MARCHF1: variants seen among roughly 807,000 people sequenced by gnomAD.
MARCHF1 encodes E3 ubiquitin-protein ligase MARCHF1.
MARCHF1 carries 40 observed loss-of-function variants against 54.2 expected under a neutral mutation model. That is an observed-to-expected ratio of 0.74 (90% confidence interval 0.57 to 0.96). The LOEUF (loss-of-function observed/expected upper bound fraction) is 0.96. Among genes scored for constraint, MARCHF1 ranks in the 40% least tolerant of loss-of-function variants. MARCHF1 has a pLI of 0.00. For missense variants in MARCHF1, 586 were observed against 656.5 expected (o/e 0.89, Z 1.17); for synonymous variants, 236 against 236.3 (o/e 1.00, Z 0.01).
At chr4:164,302,868 TA>T (rs70952621) in intron 1 of MARCHF1, among the ~76,000 whole-genome samples, 4,925 of 114,148 alleles carry the variant, frequency 0.043, 166 homozygotes, top group East Asian at 0.19. Flanking sequence ...GAGACTGTCT[TA>T]AAAAAAAAAA....
At chr4:163,728,604 T>C (rs1745737370) in intron 4 of MARCHF1, among the ~76,000 whole-genome samples, 1 of 152,210 alleles carries the variant, frequency 6.6e-6, no homozygotes, top group East Asian at 1.9e-4. Flanking sequence ...AACTTGTTCA[T>C]TATTGGTATA....
chr4:164,039,680 G>A (rs1218906782), intron 2 of MARCHF1, among the ~76,000 whole-genome samples: 4 of 151,408 alleles, frequency 2.6e-5, no homozygotes, highest in African/African-American at 7.3e-5. Context: ...TCCACATACA[G>A]ATAAAAAAAA....
rs150860418 is a variant in MARCHF1, at chr4:163,763,624, C to T, written c.112-62761G>A. Among the ~76,000 whole-genome samples, 1,148 of 152,014 alleles carry T rather than the reference C, an allele frequency of 7.6e-3. 11 individuals are homozygous for T. The highest frequency in any genetic ancestry group is 0.013 in the Non-Finnish European group (877 of 67,894). ...CCCCCCTTACGAACTTCTAAGAAAACCCTAAACACTTAAAAAAAAGAAATA... is the reference window on the plus strand; with the variant it reads ...CCCCCCTTACGAACTTCTAAGAAAATCCTAAACACTTAAAAAAAAGAAATA... On this transcript the variant is annotated intron_variant, in intron 4 of 9. Coordinates refer to ENST00000514618, the MANE Select transcript of MARCHF1 (RefSeq NM_001394959.1).
At chr4:163,589,773 G>T (rs938819158) in intron 7 of MARCHF1, among the ~76,000 whole-genome samples, 2 of 151,940 alleles carry the variant, frequency 1.3e-5, no homozygotes, top group African/African-American at 4.8e-5. Flanking sequence ...CGTAATTTTG[G>T]TACATTTTTA....
chr4:164,093,420 C>T (rs1188138261), intron 2 of MARCHF1, among the ~76,000 whole-genome samples: 1 of 152,094 alleles, frequency 6.6e-6, no homozygotes, highest in Non-Finnish European at 1.5e-5. Context: ...AGAATTTACA[C>T]ATGGACAGAA....
chr4:163,731,592 G>T (rs2111326213), intron 4 of MARCHF1, among the ~76,000 whole-genome samples: 1 of 152,326 alleles, frequency 6.6e-6, no homozygotes, highest in South Asian at 2.1e-4. Flanking sequence ...ATGTCACAGA[G>T]CTCAGTACCA....
At chr4:164,365,525 G>A (rs776295385) in intron 1 of MARCHF1, among the ~76,000 whole-genome samples, 49 of 152,028 alleles carry the variant, frequency 3.2e-4, no homozygotes, top group Non-Finnish European at 6.0e-4. Flanking sequence ...TAGCACAGAT[G>A]TAAAGGAAAA....
At chr4:164,178,954 C>T (rs1003450353) in intron 1 of MARCHF1, among the ~76,000 whole-genome samples, 10 of 152,116 alleles carry the variant, frequency 6.6e-5, no homozygotes, top group Non-Finnish European at 1.5e-4. Flanking sequence ...ACCACCCCAA[C>T]CCCGAGATGA....
At chr4:163,541,711 T>A (rs577909489) in intron 9 of MARCHF1, among the ~76,000 whole-genome samples, 1 of 152,308 alleles carries the variant, frequency 6.6e-6, no homozygotes, top group African/African-American at 2.4e-5. Flanking sequence ...AAAGGACAAA[T>A]TTGTTTCTTT....
At position 163,612,680 on chromosome 4, in the gene MARCHF1, A is replaced by G. The variant is rs1246010594; in HGVS notation, c.601T>C (p.Ser201Pro). The G allele has an allele frequency of 6.5e-7, 1 of 1,535,520 alleles. No homozygotes were observed. Among genetic ancestry groups the G allele is most frequent in the Admixed American group, 2.0e-5 (1 of 50,962 alleles). The part of the protein sequence containing the change: ...NNKPCENLAG[S>P]STPNGIELVD... ...AGCTCAATTCCGTTAGGAGTGGAAG[A>G]CCCAGCTAAGTTTTCACACGGCTTA... The change falls in exon 7 of 10, where the codon TCT becomes CCT. Residue 201 changes from serine to proline, a missense_variant. Around this residue, in one of 3 missense-constraint regions of MARCHF1, gnomAD observed 387 missense variants for 394.6 expected, o/e 0.98. Coordinates refer to ENST00000514618, the MANE Select transcript of MARCHF1 (RefSeq NM_001394959.1).
At chr4:163,757,821 A>C (rs1171591223) in intron 4 of MARCHF1, among the ~76,000 whole-genome samples, 1 of 152,196 alleles carries the variant, frequency 6.6e-6, no homozygotes, top group Non-Finnish European at 1.5e-5. Flanking sequence ...AGACAAAAGA[A>C]TGGTTGAGTT....
At chr4:163,966,736 G>A (rs917489256) in intron 3 of MARCHF1, among the ~76,000 whole-genome samples, 1 of 152,074 alleles carries the variant, frequency 6.6e-6, no homozygotes, top group Non-Finnish European at 1.5e-5. Flanking sequence ...GCTTTAGTGA[G>A]GGAATCACTT....
chr4:164,226,835 G>A lies in MARCHF1; in HGVS notation c.-322-115173C>T, dbSNP rs867575081. On this transcript the variant is annotated intron_variant, in intron 1 of 9. Coordinates refer to ENST00000514618, the MANE Select transcript of MARCHF1 (RefSeq NM_001394959.1). Reference sequence around the variant, plus strand: ...CTAGTGAAATTTTTTACCCATAACAGCTGAATGAAAGTGTAACCAAACAGC... The same window carrying A: ...CTAGTGAAATTTTTTACCCATAACAACTGAATGAAAGTGTAACCAAACAGC... Among the ~76,000 whole-genome samples the A allele has an allele frequency of 2.0e-5, 3 of 152,014 alleles. No individual in the cohort carries two copies. The South Asian group carries it at 6.2e-4, about 31-fold the overall frequency.
At chr4:163,565,246 T>C (rs536918014) in intron 8 of MARCHF1, among the ~76,000 whole-genome samples, 1 of 152,338 alleles carries the variant, frequency 6.6e-6, no homozygotes, top group African/African-American at 2.4e-5. Context: ...AATGCTTTAA[T>C]ATACACATCC....
intron 1 of MARCHF1, among the ~76,000 whole-genome samples, chr4:164,240,916 G>A (rs1001886279): frequency 2.0e-5 from 3 of 152,212 alleles, no homozygotes; most frequent in Admixed American, 6.5e-5. Context: ...TAAGGCCTAT[G>A]CATTTTTAGG....
intron 5 of MARCHF1, among the ~76,000 whole-genome samples, chr4:163,648,935 T>C (rs1259994500): frequency 6.6e-6 from 1 of 150,888 alleles, no homozygotes; most frequent in East Asian, 2.0e-4. Flanking sequence ...AAAAAAAACC[T>C]TACAGGAGCA....
At chr4:163,620,211 G>A (rs1356704957) in intron 5 of MARCHF1, among the ~76,000 whole-genome samples, 3 of 152,020 alleles carry the variant, frequency 2.0e-5, no homozygotes, top group Non-Finnish European at 2.9e-5. Context: ...AATTAACAAT[G>A]GTATCCACGT....
chr4:164,360,791 A>G (rs1374716973), intron 1 of MARCHF1, among the ~76,000 whole-genome samples: 1 of 152,124 alleles, frequency 6.6e-6, no homozygotes, highest in Non-Finnish European at 1.5e-5. Flanking sequence ...ATTTATAATA[A>G]TAGCTAAAAG....
chr4:164,102,498 C>T (rs1167788287), intron 2 of MARCHF1, among the ~76,000 whole-genome samples: 1 of 148,418 alleles, frequency 6.7e-6, no homozygotes, highest in African/African-American at 2.5e-5. Flanking sequence ...CCCAGAACTT[C>T]ATATCCAGCC....
Sources: allele counts gnomAD v4.1 joint callset (sites outside exome capture counted in the v4.1 genomes callset), GRCh38; gene constraint gnomAD v4.1.1; regional missense constraint gnomAD v4.1.1; transcripts MANE v1.5; gene names NCBI Gene and HGNC (gene_info 2026-07-23, HGNC 2026-07-21).